Variants in MYLIP observed in about 807,000 individuals in gnomAD.
MYLIP encodes E3 ubiquitin-protein ligase MYLIP.
MYLIP carries 26 observed loss-of-function variants against 45.8 expected under a neutral mutation model. That is an observed-to-expected ratio of 0.57 (90% CI 0.42 to 0.79). The LOEUF is 0.79. Ranked by LOEUF, MYLIP falls within the 30% of genes least tolerant of loss-of-function variation. The pLI is 0.00. For missense variants in MYLIP, 494 were observed against 555.6 expected, an observed-to-expected ratio of 0.89 and a Z score of 1.11; for synonymous variants, 213 against 218.1, an observed-to-expected ratio of 0.98 and a Z score of 0.21.
chr6:16,158,330 C>A, the MYLIP span, among the ~76,000 whole-genome samples: 2 of 152,182 alleles, frequency 1.3e-5, no homozygotes, highest in Non-Finnish European at 1.5e-5. Flanking sequence ...TCAGTATTTG[C>A]GACTTTAATG....
At chr6:16,151,423 G>T (rs571188819), downstream of MYLIP, among the ~76,000 whole-genome samples, 1 of 152,132 alleles carries the variant, frequency 6.6e-6, no homozygotes, top group Non-Finnish European at 1.5e-5. Context: ...ATGTGCGCCT[G>T]AAGGAGGGGT....
chr6:16,145,258 T>A lies in MYLIP; in HGVS notation c.1189T>A (p.Ser397Thr), dbSNP rs762810082. The A allele has an allele frequency of 7.4e-6, 12 of 1,612,196 alleles. No individual in the cohort carries two copies. In the South Asian group the frequency reaches 1.3e-4, roughly 18 times the overall value. Reference protein sequence around the residue: ...CMVCCEEEINSTFCPCGHTVC... With the variant: ...CMVCCEEEINTTFCPCGHTVC... ...GGTGTGCTGCGAGGAGGAGATCAACTCCACCTTCTGTCCCTGTGGCCACAC... is the reference window on the plus strand; with the variant it reads ...GGTGTGCTGCGAGGAGGAGATCAACACCACCTTCTGTCCCTGTGGCCACAC... Residue 397 changes from serine to threonine, a missense_variant, in exon 6 of 7, where the codon TCC (serine) becomes ACC (threonine). Coordinates refer to ENST00000356840, the MANE Select transcript of MYLIP (RefSeq NM_013262.4).
chr6:16,152,874 A>G (rs890561504), downstream of MYLIP, among the ~76,000 whole-genome samples: 1 of 152,174 alleles, frequency 6.6e-6, no homozygotes, highest in African/African-American at 2.4e-5. Context: ...TTTGGGGACC[A>G]GTGGGCAGTT....
At chr6:16,162,607 A>G in the MYLIP span, among the ~76,000 whole-genome samples, 2 of 152,080 alleles carry the variant, frequency 1.3e-5, no homozygotes, top group Non-Finnish European at 2.9e-5. Flanking sequence ...TCAATGGCAT[A>G]TATATGATAT....
At chr6:16,151,205 A>T (rs1348647070), downstream of MYLIP, among the ~76,000 whole-genome samples, 2 of 151,774 alleles carry the variant, frequency 1.3e-5, no homozygotes, top group East Asian at 3.9e-4. Flanking sequence ...AAAATACAAA[A>T]AATCAGCCAG....
Position 16,129,287 on chromosome 6 carries a change from G to C in MYLIP, c.-36G>C. 1 of 1,549,350 alleles carries C rather than the reference G, an allele frequency of 6.5e-7. No individual in the cohort carries two copies. The highest frequency in any genetic ancestry group is 8.7e-7 in the Non-Finnish European group (1 of 1,145,990). On this transcript the variant is annotated 5_prime_UTR_variant, in exon 1 of 7. Transcript: ENST00000356840. This position sits in a 1 kb window ranked among gnomAD's most constrained non-coding sequence, Gnocchi z 5.1. ...AGGCGGCAGCCCCGCGCACACCAAA[G>C]AGAAGGCGGCTGTGGCGGCAGCGGC...
At chr6:16,145,995 C>G (rs999057305) in intron 6 of MYLIP, among the ~76,000 whole-genome samples, 2 of 152,168 alleles carry the variant, frequency 1.3e-5, no homozygotes, top group African/African-American at 4.8e-5. Context: ...TTATGTAAAA[C>G]TGGTTCTAGA....
rs894005507 is a variant in MYLIP at position 16,147,419 on chromosome 6, C to T, written c.*668C>T. 5 of 152,658 alleles carry T rather than the reference C, an allele frequency of 3.3e-5. No homozygotes were observed. Among genetic ancestry groups the T allele is most frequent in the African/African-American group, 9.7e-5 (4 of 41,448 alleles). The allele number at this position is 152,658 out of a possible 1,614,324, so 9.5% of individuals were successfully genotyped here. ...CCCTATTCCTTTACGCTCCCCCTAT[C>T]CCTACCCCACAAGCCTTTCGATTAT... On this transcript the variant is annotated 3_prime_UTR_variant, in exon 7 of 7. Transcript: ENST00000356840.
chr6:16,133,262 A>G (rs1759492231), intron 2 of MYLIP, among the ~76,000 whole-genome samples: 4 of 152,230 alleles, frequency 2.6e-5, no homozygotes, highest in Admixed American at 2.0e-4. Context: ...TTCTCTTAGC[A>G]ATAACTTTTT....
chr6:16,146,246 G>T (rs1006314062), intron 6 of MYLIP, among the ~76,000 whole-genome samples: 8 of 152,220 alleles, frequency 5.3e-5, no homozygotes, highest in Non-Finnish European at 1.2e-4. Flanking sequence ...GTGGGCATCA[G>T]CCCAGAAATG....
chr6:16,153,819 C>T, the MYLIP span, among the ~76,000 whole-genome samples: 9 of 152,184 alleles, frequency 5.9e-5, no homozygotes, highest in Admixed American at 3.3e-4. Context: ...AAATGGGACT[C>T]GGGTTACCTG....
chr6:16,140,890 A>G (rs1159860356), intron 2 of MYLIP, among the ~76,000 whole-genome samples: 3 of 152,166 alleles, frequency 2.0e-5, no homozygotes, highest in African/African-American at 7.2e-5. Flanking sequence ...GGCTGCCTGC[A>G]TGGAGTCTGG....
intron 2 of MYLIP, among the ~76,000 whole-genome samples, chr6:16,133,918 G>A (rs1485389266): frequency 1.3e-5 from 2 of 152,036 alleles, no homozygotes; most frequent in South Asian, 2.1e-4. Context: ...CTCTAATCCT[G>A]GATGTTAAAT....
chr6:16,143,124 A>G lies in MYLIP; in HGVS notation c.569A>G (p.His190Arg). The part of the protein sequence containing the change: ...SAMENYGIEW[H>R]SVRDSEGQKL... ...ATGGAAAACTATGGCATAGAATGGC[A>G]TTCTGTGCGGGATAGCGAAGGGCAG... The change falls in exon 4 of 7, where the codon CAT (histidine) becomes CGT (arginine). Residue 190 changes from histidine (H) to arginine (R), a missense_variant. By Grantham distance (29) the His-to-Arg change is conservative. Transcript: ENST00000356840. 1 of 1,614,208 alleles carries G rather than the reference A, an allele frequency of 6.2e-7. No individual in the cohort carries two copies. The highest frequency in any genetic ancestry group is 1.1e-5 in the South Asian group (1 of 91,088).
At position 16,147,456 on chromosome 6, in the gene MYLIP, A is replaced by G. The variant is rs1759817536; in HGVS notation, c.*705A>G. Reference sequence around the variant, plus strand: ...AGCCTTTCGATTATAAAATACTACCAATCTTGTTATAAGATTACTGTGGAG... The same window carrying G: ...AGCCTTTCGATTATAAAATACTACCGATCTTGTTATAAGATTACTGTGGAG... On this transcript the variant is annotated 3_prime_UTR_variant, in exon 7 of 7. Coordinates refer to ENST00000356840, the MANE Select transcript of MYLIP (RefSeq NM_013262.4). 1 of 152,462 alleles carries G rather than the reference A, an allele frequency of 6.6e-6. No homozygotes were observed. Among genetic ancestry groups the G allele is most frequent in the African/African-American group, 2.4e-5 (1 of 41,448 alleles). The allele number at this position is 152,462 out of a possible 1,614,324, so 9.4% of individuals were successfully genotyped here.
At position 16,146,532 on chromosome 6, in the gene MYLIP, A is replaced by G; in HGVS notation, c.1249-130A>G. On this transcript the variant is annotated intron_variant, in intron 6 of 6. Transcript: ENST00000356840. The stretch of plus-strand genomic sequence containing the variant: ...ACGGCAAAGATCTCTACCAATTGAA[A>G]GCTAGAAATCACTGTGATCACAATT... 4 of 686,014 alleles carry G rather than the reference A, an allele frequency of 5.8e-6. No individual in the cohort carries two copies. The South Asian group carries it at 7.6e-5, about 13-fold the overall frequency. The allele number at this position is 686,014 out of a possible 1,614,324, so 42.5% of individuals were successfully genotyped here.
intron 2 of MYLIP, 137 bp from the exon 3 acceptor site, chr6:16,141,488 A>T: frequency 1.3e-6 from 1 of 746,400 alleles, no homozygotes; most frequent in Non-Finnish European, 2.1e-6. Context: ...TTTTTTTTTG[A>T]AGTTCTTTAA....
At chr6:16,141,987 T>C (rs1338526717) in intron 3 of MYLIP, among the ~76,000 whole-genome samples, 177 bp downstream of exon 3, 1 of 152,148 alleles carries the variant, frequency 6.6e-6, no homozygotes, top group Non-Finnish European at 1.5e-5. Flanking sequence ...TCAAATACTG[T>C]ACCAGAGGAA....
chr6:16,133,889 C>CT (rs1233209221), intron 2 of MYLIP, among the ~76,000 whole-genome samples: 1 of 152,122 alleles, frequency 6.6e-6, no homozygotes, highest in African/African-American at 2.4e-5. Context: ...GAGTCCCAGA[C>CT]TAAATGTTCA....
Sources: allele counts gnomAD v4.1 joint callset (sites outside exome capture counted in the v4.1 genomes callset), GRCh38; gene constraint gnomAD v4.1.1; non-coding constraint Gnocchi (gnomAD v3.1); transcripts MANE v1.5; gene names NCBI Gene and HGNC (gene_info 2026-07-23, HGNC 2026-07-21).